Variants in DLG2 observed in about 807,000 individuals in gnomAD.
The protein encoded by DLG2 is discs large MAGUK scaffold protein 2, also known as disks large homolog 2.
A neutral mutation model predicts 132.5 loss-of-function variants in DLG2; 45 were observed. The observed-to-expected ratio is 0.34, with a 90% CI of 0.27 to 0.44. The LOEUF (loss-of-function observed/expected upper bound fraction) is 0.44, where lower values mean the gene tolerates loss of function less well. Among genes scored for constraint, DLG2 ranks in the 20% least tolerant of loss-of-function variants. The pLI is 1.00. For missense variants in DLG2, 1,045 were observed against 1,196.9 expected (o/e 0.87, Z 1.87); for synonymous variants, 424 against 419.6 (o/e 1.01, Z -0.13).
rs139514202 is a variant in DLG2 at position 84,974,248 on chromosome 11, T to C, written c.357+137413A>G. Among the ~76,000 whole-genome samples, 1,439 of 152,318 alleles carry C rather than the reference T, an allele frequency of 9.4e-3. 24 individuals carry two copies. The highest frequency in any genetic ancestry group is 0.029 in the African/African-American group (1,224 of 41,566). ...TTTCTGTTCTGCTTCATTTGTTTGC[T>C]TCAGTTGTTGATCTTTTCCAGAGGT... On this transcript the variant is annotated intron_variant, in intron 6 of 27. Coordinates refer to ENST00000376104, the MANE Select transcript of DLG2 (RefSeq NM_001142699.3).
At chr11:84,987,469 T>C (rs11823540) in intron 6 of DLG2, among the ~76,000 whole-genome samples, 2,097 of 152,188 alleles carry the variant, frequency 0.014, 48 homozygotes, top group African/African-American at 0.047. Flanking sequence ...AAAGCAAGAC[T>C]AAGCAAAAAG....
intron 5 of DLG2, among the ~76,000 whole-genome samples, chr11:85,124,835 T>A (rs1308810995): frequency 8.9e-4 from 19 of 21,434 alleles, no homozygotes; most frequent in African/African-American, 4.5e-3. Context: ...CACAGTAAAA[T>A]TTTTTTTTTT....
intron 17 of DLG2, among the ~76,000 whole-genome samples, chr11:83,795,255 A>G (rs1408723973): frequency 6.6e-6 from 1 of 151,972 alleles, no homozygotes; most frequent in Non-Finnish European, 1.5e-5. Context: ...AATACAAAAA[A>G]AAATTAGCCA....
At chr11:83,937,817 A>G (rs2081838338) in intron 14 of DLG2, among the ~76,000 whole-genome samples, 1 of 152,184 alleles carries the variant, frequency 6.6e-6, no homozygotes, top group Non-Finnish European at 1.5e-5. Context: ...ACAAATCACA[A>G]TTTAGTTGTG....
intron 6 of DLG2, among the ~76,000 whole-genome samples, chr11:85,019,865 C>G (rs1592779015): frequency 6.6e-6 from 1 of 152,164 alleles, no homozygotes. Context: ...TCCAGTCTCT[C>G]ATTGATGGAC....
At chr11:85,497,193 C>T (rs1054924757) in intron 3 of DLG2, among the ~76,000 whole-genome samples, 6 of 151,776 alleles carry the variant, frequency 4.0e-5, no homozygotes, top group Admixed American at 2.0e-4. Context: ...AAAGGTTAGA[C>T]GAATGGCTAA....
chr11:85,332,212 A>G (rs926889095), intron 3 of DLG2, among the ~76,000 whole-genome samples: 2 of 152,168 alleles, frequency 1.3e-5, no homozygotes, highest in Non-Finnish European at 2.9e-5. Flanking sequence ...TTCTATCATG[A>G]TTAGTGATAA....
At chr11:85,301,545 G>T (rs2079585769) in intron 3 of DLG2, among the ~76,000 whole-genome samples, 1 of 152,116 alleles carries the variant, frequency 6.6e-6, no homozygotes, top group Non-Finnish European at 1.5e-5. Flanking sequence ...CGATTATGCA[G>T]GGCTAGAACT....
At chr11:83,766,357 T>G (rs1454824212) in intron 18 of DLG2, among the ~76,000 whole-genome samples, 1 of 151,834 alleles carries the variant, frequency 6.6e-6, no homozygotes, top group African/African-American at 2.4e-5. Context: ...CCTCCCAAAG[T>G]GCTGGGATTA....
At chr11:84,460,558 A>G (rs2099077682) in intron 7 of DLG2, among the ~76,000 whole-genome samples, 1 of 150,602 alleles carries the variant, frequency 6.6e-6, no homozygotes, top group African/African-American at 2.4e-5. Flanking sequence ...TATTAGAAAA[A>G]TTATCATTAT....
At chr11:85,252,570 A>G (rs573045685) in intron 4 of DLG2, among the ~76,000 whole-genome samples, 10 of 152,300 alleles carry the variant, frequency 6.6e-5, no homozygotes, top group African/African-American at 2.2e-4. Flanking sequence ...TGGGCAACAG[A>G]GCGAGACTCT....
At chr11:85,418,292 A>G (rs1474482456) in intron 3 of DLG2, among the ~76,000 whole-genome samples, 2 of 152,174 alleles carry the variant, frequency 1.3e-5, no homozygotes, top group Non-Finnish European at 2.9e-5. Flanking sequence ...ATTTGATTGC[A>G]CTGTGGTCTG....
At chr11:84,429,486 A>C (rs1049736736) in intron 7 of DLG2, among the ~76,000 whole-genome samples, 28 of 152,116 alleles carry the variant, frequency 1.8e-4, no homozygotes, top group Non-Finnish European at 1.5e-5. Context: ...TGTCCCATCC[A>C]AGTGAATCAT....
chr11:83,565,048 A>G (rs921986439), intron 19 of DLG2, among the ~76,000 whole-genome samples: 4 of 152,188 alleles, frequency 2.6e-5, no homozygotes, highest in Admixed American at 6.5e-5. Flanking sequence ...GCAGGCGCCT[A>G]TCTTAATGAC....
chr11:84,111,911 T>C (rs2093368029), intron 9 of DLG2, among the ~76,000 whole-genome samples: 1 of 152,232 alleles, frequency 6.6e-6, no homozygotes, highest in African/African-American at 2.4e-5. Context: ...GTTTTCATCC[T>C]TTTATTTCTA....
intron 6 of DLG2, among the ~76,000 whole-genome samples, chr11:84,688,541 T>C (rs564511789): frequency 1.3e-5 from 2 of 152,286 alleles, no homozygotes; most frequent in Admixed American, 6.5e-5. Context: ...GCTTTAGGCA[T>C]TGGAGATATG....
Position 83,519,490 on chromosome 11 carries a change from A to G in DLG2, c.2193+13218T>C, listed in dbSNP as rs190196134. On this transcript the variant is annotated intron_variant, in intron 21 of 27. Coordinates refer to ENST00000376104, the MANE Select transcript of DLG2 (RefSeq NM_001142699.3). Reference sequence around the variant, plus strand: ...TTTTATGTATTTAGGTAACATCATTATAAAAAGATTTAGTCAACACTTGGG... The same window carrying G: ...TTTTATGTATTTAGGTAACATCATTGTAAAAAGATTTAGTCAACACTTGGG... 2.6e-5 allele frequency among the ~76,000 whole-genome samples: 4 copies of G among 152,334 alleles called. No homozygotes were observed. The East Asian group carries it at 7.7e-4, about 29-fold the overall frequency.
intron 6 of DLG2, among the ~76,000 whole-genome samples, chr11:84,868,736 C>T (rs1317526865): frequency 6.6e-6 from 1 of 152,154 alleles, no homozygotes; most frequent in Non-Finnish European, 1.5e-5. Flanking sequence ...AGATCTGTAG[C>T]TCAGCGACGT....
intron 6 of DLG2, among the ~76,000 whole-genome samples, chr11:85,043,816 T>C (rs2062073205): frequency 1.3e-5 from 2 of 152,114 alleles, no homozygotes; most frequent in Admixed American, 1.3e-4. Flanking sequence ...AATATTCAGC[T>C]TACCCAAATA....
Sources: gnomAD v4.1 joint callset for allele counts (sites outside exome capture counted in the v4.1 genomes callset) on GRCh38, gnomAD v4.1.1 for gene constraint, MANE v1.5 for transcripts, NCBI Gene and HGNC (gene_info 2026-07-23, HGNC 2026-07-21) for gene names.